Variants in INPP4A observed in about 807,000 individuals in gnomAD.
The protein encoded by INPP4A is inositol polyphosphate-4-phosphatase type I A.
Under a neutral mutation model 119.8 loss-of-function variants are expected in INPP4A, and 33 were observed. That is an observed-to-expected ratio of 0.28 (90% CI 0.21 to 0.37). The LOEUF (loss-of-function observed/expected upper bound fraction) is 0.37. Among genes scored for constraint, INPP4A ranks in the 10% least tolerant of loss-of-function variants. The pLI is 1.00. For synonymous variants in INPP4A, 496 were observed against 500.7 expected (o/e 0.99, Z 0.12); for missense variants, 956 against 1,289.9 (o/e 0.74, Z 3.97).
chr2:98,455,132 AG>A (rs1695897515), intron 1 of INPP4A, among the ~76,000 whole-genome samples: 1 of 152,176 alleles, frequency 6.6e-6, no homozygotes, highest in Admixed American at 6.5e-5. Flanking sequence ...TGAGCCCAGG[AG>A]TTCAGACCGG....
chr2:98,584,084 G>A (rs1025587913), intron 24 of INPP4A, among the ~76,000 whole-genome samples: 2 of 152,186 alleles, frequency 1.3e-5, no homozygotes, highest in African/African-American at 4.8e-5. Flanking sequence ...GTCACCAAAC[G>A]CCAGCTCATG....
intron 8 of INPP4A, 133 bp from the exon 9 acceptor site, chr2:98,538,754 ATATT>A: frequency 1.7e-6 from 1 of 581,978 alleles, no homozygotes; most frequent in East Asian, 3.0e-5. Context: ...CTTGGGCAGC[ATATT>A]TATTGTAGAG....
At chr2:98,544,059 AC>A in intron 11 of INPP4A, 52 bp downstream of exon 11, 1 of 1,486,156 alleles carries the variant, frequency 6.7e-7, no homozygotes, top group Non-Finnish European at 9.1e-7. Context: ...ACACACACAC[AC>A]ACACTCTCAC....
At chr2:98,460,799 CA>C (rs1342552338) in intron 1 of INPP4A, among the ~76,000 whole-genome samples, 3 of 152,130 alleles carry the variant, frequency 2.0e-5, no homozygotes, top group East Asian at 1.9e-4. Context: ...CCCATGGGGT[CA>C]GGGGTGAAGC....
At position 98,587,458 on chromosome 2, in the gene INPP4A, T is replaced by C; in HGVS notation, c.2787-18T>C. 1 of 1,565,452 alleles carries C rather than the reference T, an allele frequency of 6.4e-7. No homozygotes were observed. Among genetic ancestry groups the C allele is most frequent in the Non-Finnish European group, 8.6e-7 (1 of 1,159,044 alleles). ...CCTTTTTTACTGCCGTCATTTCTTG[T>C]GCTTGTTTTTTCCCCAGTGAGGGTT... On this transcript the variant is annotated intron_variant, in intron 24 of 24. Transcript: ENST00000409851.
chr2:98,573,787 T>C (rs938135807), intron 23 of INPP4A, among the ~76,000 whole-genome samples: 7 of 152,152 alleles, frequency 4.6e-5, no homozygotes, highest in Middle Eastern at 3.2e-3. Context: ...CACTTCGGGT[T>C]GGTTATTAGT....
chr2:98,564,906 C>A, intron 19 of INPP4A, 143 bp downstream of exon 19: 1 of 1,043,452 alleles, frequency 9.6e-7, no homozygotes, highest in Non-Finnish European at 1.3e-6. Context: ...AGATGGCAGA[C>A]CTGGCAGTTA....
In INPP4A at chr2:98,590,969, T is replaced by G. The variant is rs981624146; in HGVS notation, c.*3361T>G. 4 of 231,224 alleles carry G rather than the reference T, an allele frequency of 1.7e-5. No homozygotes were observed. Among genetic ancestry groups the G allele is most frequent in the African/African-American group, 8.8e-5 (4 of 45,250 alleles). 14.3% of individuals were successfully genotyped at this position (231,224 alleles called of 1,614,324 possible). A position where few individuals can be genotyped will look rare whatever the true frequency, so the allele number is the denominator to read the frequency against. ...TTTATGATATTTCTATGTTTGTGAC[T>G]TCATTGGAATGTTGATCTATTTCAT... On this transcript the variant is annotated 3_prime_UTR_variant, in exon 25 of 25. Coordinates refer to ENST00000409851, the MANE Select transcript of INPP4A (RefSeq NM_001134225.2).
In INPP4A at chr2:98,559,512, C is replaced by G. The variant is rs998045728; in HGVS notation, c.1855+17C>G. On this transcript the variant is annotated intron_variant, in intron 17 of 24. Transcript: ENST00000409851. Reference sequence around the variant, plus strand: ...CCAGCCCAGGTACGTGGTTTCCGTTCAAGGCTCCTGCTGATGCCCTTTTAA... The same window carrying G: ...CCAGCCCAGGTACGTGGTTTCCGTTGAAGGCTCCTGCTGATGCCCTTTTAA... 1.2e-6 allele frequency: 2 copies of G among 1,612,974 alleles called. No individual in the cohort carries two copies. The highest frequency in any genetic ancestry group is 2.7e-5 in the African/African-American group (2 of 74,918).
intron 1 of INPP4A, among the ~76,000 whole-genome samples, chr2:98,452,354 A>T (rs567694570): frequency 1.3e-5 from 2 of 152,074 alleles, no homozygotes; most frequent in South Asian, 2.1e-4. Flanking sequence ...AGTGGATCCT[A>T]CCCCACCCAC....
intron 24 of INPP4A, among the ~76,000 whole-genome samples, chr2:98,583,344 C>G (rs1699600239): frequency 6.6e-6 from 1 of 151,964 alleles, no homozygotes; most frequent in South Asian, 2.1e-4. Flanking sequence ...AAAGTGATCC[C>G]TGACTTGTGG....
intron 1 of INPP4A, among the ~76,000 whole-genome samples, chr2:98,483,471 G>A (rs927398857): frequency 6.6e-6 from 1 of 152,118 alleles, no homozygotes; most frequent in African/African-American, 2.4e-5. Context: ...GCTGCTGTGG[G>A]GCCAAGTCCT....
chr2:98,450,153 C>G (rs1450853650), intron 1 of INPP4A, among the ~76,000 whole-genome samples: 2 of 151,960 alleles, frequency 1.3e-5, no homozygotes, highest in South Asian at 2.1e-4. Flanking sequence ...CTGAGTACCC[C>G]CTGCATGCCA....
In INPP4A at chr2:98,593,360, G is replaced by A. The variant is rs1700483556; in HGVS notation, c.*5752G>A. ...CCTCGCCACCCAGCCCTCCCTCGGT[G>A]TCTGTGGCCTGACTCTCTCCTGGTG... On this transcript the variant is annotated 3_prime_UTR_variant, in exon 25 of 25. Coordinates refer to ENST00000409851, the MANE Select transcript of INPP4A (RefSeq NM_001134225.2). 6.5e-6 allele frequency: 1 copy of A among 152,672 alleles called. No individual in the cohort carries two copies. The highest frequency in any genetic ancestry group is 2.4e-5 in the African/African-American group (1 of 41,456). The allele number at this position is 152,672 out of a possible 1,614,324, so 9.5% of individuals were successfully genotyped here.
intron 1 of INPP4A, among the ~76,000 whole-genome samples, chr2:98,466,749 T>G (rs1674869702): frequency 6.6e-6 from 1 of 152,212 alleles, no homozygotes; most frequent in Non-Finnish European, 1.5e-5. Context: ...CTATCTGTCT[T>G]CTTTCTGGTG....
At chr2:98,510,635 A>G (rs1378135172) in intron 1 of INPP4A, among the ~76,000 whole-genome samples, 1 of 152,122 alleles carries the variant, frequency 6.6e-6, no homozygotes, top group South Asian at 2.1e-4. Flanking sequence ...AATCCCACCT[A>G]TGAGGCCAGA....
chr2:98,462,967 A>C (rs1379336780), intron 1 of INPP4A, among the ~76,000 whole-genome samples: 1 of 152,090 alleles, frequency 6.6e-6, no homozygotes, highest in East Asian at 1.9e-4. Flanking sequence ...TCAGCCTCCC[A>C]AGTGGCTGGG....
intron 21 of INPP4A, among the ~76,000 whole-genome samples, chr2:98,568,107 A>G (rs1696800014): frequency 6.6e-6 from 1 of 152,222 alleles, no homozygotes; most frequent in South Asian, 2.1e-4. Flanking sequence ...CGAAAGGGCA[A>G]GGGCTTCATG....
In INPP4A at chr2:98,519,990, C is replaced by G; in HGVS notation, c.-59C>G. 7.1e-7 allele frequency: 1 copy of G among 1,412,494 alleles called. No homozygotes were observed. The highest frequency in any genetic ancestry group is 9.8e-7 in the Non-Finnish European group (1 of 1,019,712). 87.5% of individuals were successfully genotyped at this position (1,412,494 alleles called of 1,614,324 possible). A position where few individuals can be genotyped will look rare whatever the true frequency, so the allele number is the denominator to read the frequency against. On this transcript the variant is annotated 5_prime_UTR_variant, in exon 3 of 25. Transcript: ENST00000409851. Reference sequence around the variant, plus strand: ...GACTAGGGCTCGGTGCCAGCACTTCCCGGGTAATCAGGCGTGGTCTGACCG... The same window carrying G: ...GACTAGGGCTCGGTGCCAGCACTTCGCGGGTAATCAGGCGTGGTCTGACCG...
Sources: gnomAD v4.1 joint callset for allele counts (sites outside exome capture counted in the v4.1 genomes callset) on GRCh38, gnomAD v4.1.1 for gene constraint, MANE v1.5 for transcripts, NCBI Gene and HGNC (gene_info 2026-07-23, HGNC 2026-07-21) for gene names.